Variants in KDM4C observed in about 807,000 individuals in gnomAD.
The protein encoded by KDM4C is lysine-specific demethylase 4C.
In KDM4C, 81 loss-of-function variants were observed where a neutral mutation model predicts 129.3. The ratio of observed to expected loss-of-function variants is 0.63; its 90% CI spans 0.52 to 0.75. The LOEUF is 0.75. KDM4C is among the 30% of genes least tolerant of loss of function. The pLI, the probability that KDM4C is intolerant of heterozygous loss-of-function variation, is 0.00. For synonymous variants in KDM4C, 573 were observed against 456.1 expected, an observed-to-expected ratio of 1.26 and a Z score of -3.26; for missense variants, 1,457 against 1,304.0, an observed-to-expected ratio of 1.12 and a Z score of -1.81.
rs566148055 is a variant in KDM4C at position 6,969,864 on chromosome 9, CATT to C, written c.922-11060_922-11058del. Reference sequence around the variant, plus strand: ...TCTGGATGCAGGACTACCTACTTGACATTTCTTGTCATACTTTCTGCTCTGTTG... The same window carrying C: ...TCTGGATGCAGGACTACCTACTTGACTCTTGTCATACTTTCTGCTCTGTTG... On this transcript the variant is annotated intron_variant, in intron 8 of 21. Transcript: ENST00000381309. 3.0e-3 allele frequency among the ~76,000 whole-genome samples: 455 copies of C among 152,350 alleles called. 1 individual carries two copies. The highest frequency in any genetic ancestry group is 0.01 in the African/African-American group (431 of 41,578).
chr9:6,883,706 G>C (rs890531410), intron 6 of KDM4C, among the ~76,000 whole-genome samples: 3 of 152,122 alleles, frequency 2.0e-5, no homozygotes, highest in African/African-American at 7.2e-5. Flanking sequence ...TAGTAGGGAG[G>C]AATTATGGGG....
intron 3 of KDM4C, among the ~76,000 whole-genome samples, chr9:6,810,436 C>G (rs1336767574): frequency 2.6e-5 from 4 of 151,992 alleles, no homozygotes; most frequent in Non-Finnish European, 5.9e-5. Flanking sequence ...TAAAGATTTA[C>G]TTATTAACAG....
intron 17 of KDM4C, among the ~76,000 whole-genome samples, chr9:7,070,304 A>G (rs149340162): frequency 2.4e-4 from 36 of 152,336 alleles, no homozygotes; most frequent in African/African-American, 8.4e-4. Flanking sequence ...ATTATGATGT[A>G]AAATGTTAAA....
intron 19 of KDM4C, among the ~76,000 whole-genome samples, chr9:7,140,251 G>A (rs1428715978): frequency 6.6e-6 from 1 of 152,152 alleles, no homozygotes; most frequent in Admixed American, 6.5e-5. Context: ...GGCTGAGGAG[G>A]CCTCTTCCGC....
intron 2 of KDM4C, among the ~76,000 whole-genome samples, chr9:6,799,058 A>G (rs1490150286): frequency 6.7e-6 from 1 of 149,778 alleles, no homozygotes; most frequent in Non-Finnish European, 1.5e-5. Context: ...GCGGCCGGGC[A>G]GAGACGCTCC....
chr9:7,058,248 A>C (rs978946072), intron 17 of KDM4C, among the ~76,000 whole-genome samples: 12 of 138,650 alleles, frequency 8.7e-5, no homozygotes, highest in African/African-American at 3.3e-4. Flanking sequence ...TGTGGTTCTC[A>C]AAATGTGATC....
intron 5 of KDM4C, among the ~76,000 whole-genome samples, chr9:6,879,436 C>T (rs1328830649): frequency 6.6e-6 from 1 of 151,994 alleles, no homozygotes; most frequent in Admixed American, 6.6e-5. Flanking sequence ...ATAAATAAAA[C>T]TTTTTTTAAG....
intron 15 of KDM4C, among the ~76,000 whole-genome samples, chr9:7,046,037 G>T (rs765228817): frequency 8.6e-5 from 13 of 152,018 alleles, no homozygotes; most frequent in Non-Finnish European, 1.6e-4. Context: ...ATGTATTAAT[G>T]CAGAAAATTG....
intron 2 of KDM4C, among the ~76,000 whole-genome samples, chr9:6,798,244 TTTTC>T (rs1214444584): frequency 1.7e-5 from 2 of 114,760 alleles, no homozygotes; most frequent in Admixed American, 9.6e-5. Flanking sequence ...CAACTTCCTT[TTTTC>T]TTTCTTTCTT....
chr9:6,895,193 A>T (rs116218134), intron 8 of KDM4C, among the ~76,000 whole-genome samples: 2 of 152,344 alleles, frequency 1.3e-5, no homozygotes, highest in African/African-American at 4.8e-5. Flanking sequence ...GTTTAGAACA[A>T]TAGCCATTTA....
intron 1 of KDM4C, among the ~76,000 whole-genome samples, chr9:6,777,448 C>T (rs894322024): frequency 6.6e-6 from 1 of 152,202 alleles, no homozygotes; most frequent in Non-Finnish European, 1.5e-5. Context: ...CTGGGCACAT[C>T]TCCGGGGCTG....
intron 12 of KDM4C, among the ~76,000 whole-genome samples, chr9:6,995,008 C>G (rs899178961): frequency 1.3e-5 from 2 of 149,870 alleles, no homozygotes; most frequent in Non-Finnish European, 3.0e-5. Flanking sequence ...TAAGGACTAG[C>G]TTATTTAGGC....
intron 12 of KDM4C, among the ~76,000 whole-genome samples, chr9:6,998,593 C>T (rs546942875): frequency 4.6e-5 from 7 of 152,188 alleles, no homozygotes; most frequent in African/African-American, 1.2e-4. Flanking sequence ...GTCAGGAGTT[C>T]GAGACCAGCC....
chr9:6,909,266 T>C (rs891131558), intron 8 of KDM4C, among the ~76,000 whole-genome samples: 1 of 152,232 alleles, frequency 6.6e-6, no homozygotes, highest in East Asian at 1.9e-4. Flanking sequence ...GAGTTCACGA[T>C]GTGGCCAAGA....
At chr9:6,934,827 GATTTT>G (rs1291080195) in intron 8 of KDM4C, among the ~76,000 whole-genome samples, 1 of 151,676 alleles carries the variant, frequency 6.6e-6, no homozygotes, top group Non-Finnish European at 1.5e-5. Context: ...AAAAAAATAA[GATTTT>G]ATTACCAAGA....
chr9:6,932,214 G>T (rs1456159302), intron 8 of KDM4C, among the ~76,000 whole-genome samples: 1 of 152,218 alleles, frequency 6.6e-6, no homozygotes, highest in Non-Finnish European at 1.5e-5. Flanking sequence ...CACATGAGCT[G>T]TGGTCATGTT....
intron 1 of KDM4C, among the ~76,000 whole-genome samples, chr9:6,768,647 C>G (rs1280060888): frequency 6.6e-6 from 1 of 152,052 alleles, no homozygotes; most frequent in Non-Finnish European, 1.5e-5. Flanking sequence ...AATATGTATT[C>G]TTGTTGTAGG....
intron 3 of KDM4C, among the ~76,000 whole-genome samples, chr9:6,814,310 A>C (rs1018043013): frequency 2.0e-5 from 3 of 152,086 alleles, no homozygotes; most frequent in African/African-American, 7.2e-5. Flanking sequence ...AAAATTTCTT[A>C]GCATAGTATA....
chr9:6,938,492 C>T (rs1021652530), intron 8 of KDM4C, among the ~76,000 whole-genome samples: 21 of 152,250 alleles, frequency 1.4e-4, no homozygotes, highest in African/African-American at 4.6e-4. Context: ...GAAAACCGAC[C>T]GTATGAAGCT....
Sources: gnomAD v4.1 joint callset for allele counts (sites outside exome capture counted in the v4.1 genomes callset) on GRCh38, gnomAD v4.1.1 for gene constraint, MANE v1.5 for transcripts, NCBI Gene and HGNC (gene_info 2026-07-23, HGNC 2026-07-21) for gene names.